Variants in SNTB1 observed in about 807,000 individuals in gnomAD.
SNTB1 encodes beta-1-syntrophin.
In SNTB1, 36 loss-of-function variants were observed where a neutral mutation model predicts 48.9. The observed-to-expected ratio is 0.74, with a 90% CI of 0.56 to 0.97. The LOEUF (loss-of-function observed/expected upper bound fraction) is 0.97. SNTB1 is among the 50% of genes least tolerant of loss of function. The pLI is 0.00. For missense variants in SNTB1, 786 were observed against 703.4 expected (o/e 1.12, Z -1.33); for synonymous variants, 299 against 294.6 (o/e 1.01, Z -0.15).
intron 3 of SNTB1, among the ~76,000 whole-genome samples, chr8:120,624,123 A>T (rs760173247): frequency 1.3e-5 from 2 of 152,214 alleles, no homozygotes; most frequent in Non-Finnish European, 2.9e-5. Flanking sequence ...TTTTTAGTAG[A>T]CATGGGGTTT....
At chr8:120,615,712 C>T (rs11782950) in intron 3 of SNTB1, among the ~76,000 whole-genome samples, 66,664 of 152,058 alleles carry the variant, frequency 0.44, 17,821 homozygotes, top group Non-Finnish European at 0.62. Context: ...TAAGTGCAAA[C>T]GTTATTTCTG....
intron 1 of SNTB1, among the ~76,000 whole-genome samples, chr8:120,709,263 T>C (rs1818424623): frequency 6.6e-6 from 1 of 152,180 alleles, no homozygotes; most frequent in Non-Finnish European, 1.5e-5. Context: ...TTTCCTATTC[T>C]ATAAAATCAG....
chr8:120,766,869 T>C (rs1280101110), intron 1 of SNTB1, among the ~76,000 whole-genome samples: 1 of 152,234 alleles, frequency 6.6e-6, no homozygotes, highest in Non-Finnish European at 1.5e-5. Context: ...TTTCTTACTG[T>C]TTCTCTTCCA....
intron 4 of SNTB1, among the ~76,000 whole-genome samples, chr8:120,566,483 A>G (rs1424543129): frequency 1.3e-5 from 2 of 152,032 alleles, no homozygotes; most frequent in Non-Finnish European, 2.9e-5. Context: ...TGGCACCTTG[A>G]TCTTGGACTT....
chr8:120,561,046 G>A (rs1488031103), intron 4 of SNTB1, among the ~76,000 whole-genome samples: 1 of 152,130 alleles, frequency 6.6e-6, no homozygotes, highest in East Asian at 1.9e-4. Context: ...AAGGGAAAGA[G>A]GCTGGGCGCA....
At chr8:120,810,968 A>G (rs1820415754) in intron 1 of SNTB1, among the ~76,000 whole-genome samples, 3 of 152,016 alleles carry the variant, frequency 2.0e-5, no homozygotes, top group Non-Finnish European at 4.4e-5. Context: ...AAATGAAACA[A>G]CGTATACTAA....
At chr8:120,575,653 TG>T (rs1340793345) in intron 3 of SNTB1, among the ~76,000 whole-genome samples, 4 of 152,200 alleles carry the variant, frequency 2.6e-5, no homozygotes, top group Admixed American at 6.5e-5. Context: ...TGTACTATGG[TG>T]GCAAATGTCT....
intron 2 of SNTB1, among the ~76,000 whole-genome samples, chr8:120,640,442 T>A (rs1452150507): frequency 6.6e-6 from 1 of 152,236 alleles, no homozygotes; most frequent in Admixed American, 6.5e-5. Flanking sequence ...AGAGAGGGCA[T>A]CCCTGTCTTG....
chr8:120,653,469 C>T (rs374241714), intron 2 of SNTB1, among the ~76,000 whole-genome samples: 1 of 152,102 alleles, frequency 6.6e-6, no homozygotes, highest in Non-Finnish European at 1.5e-5. Flanking sequence ...AAGAAACCAA[C>T]CCTGCTGACA....
In SNTB1 at chr8:120,776,131, A is replaced by G. The variant is rs138126516; in HGVS notation, c.571+35142T>C. 1.3e-3 allele frequency among the ~76,000 whole-genome samples: 203 copies of G among 152,290 alleles called. 1 individual carries two copies. Among genetic ancestry groups the G allele is most frequent in the African/African-American group, 4.6e-3 (190 of 41,550 alleles). Reference sequence around the variant, plus strand: ...ATAAATCATGCTGCTATAAAGACACATGCACATGTGTGTTTATCAAGGGCC... The same window carrying G: ...ATAAATCATGCTGCTATAAAGACACGTGCACATGTGTGTTTATCAAGGGCC... On this transcript the variant is annotated intron_variant, in intron 1 of 6. Coordinates refer to ENST00000517992, the MANE Select transcript of SNTB1 (RefSeq NM_021021.4).
rs1407829613 is a variant in SNTB1, at chr8:120,536,726, C to CTA, written c.*2150_*2151insTA. On this transcript the variant is annotated 3_prime_UTR_variant, in exon 7 of 7. Coordinates refer to ENST00000517992, the MANE Select transcript of SNTB1 (RefSeq NM_021021.4). ...TTTATAAATGTAGAGAATGTAGTTT[C>CTA]CATTGACCCCCACACAGATATTAAT... The CTA allele has an allele frequency of 3.3e-5, 5 of 151,892 alleles. No individual in the cohort carries two copies. Among genetic ancestry groups the CTA allele is most frequent in the African/African-American group, 1.2e-4 (5 of 41,378 alleles). The allele number at this position is 151,892 out of a possible 1,614,324, so 9.4% of individuals were successfully genotyped here.
intron 2 of SNTB1, among the ~76,000 whole-genome samples, chr8:120,633,474 G>A (rs756439964): frequency 2.0e-5 from 3 of 152,012 alleles, no homozygotes; most frequent in African/African-American, 7.2e-5. Context: ...GCATGATGGC[G>A]GGTGCCTGTA....
chr8:120,757,030 T>C (rs907490523), intron 1 of SNTB1, among the ~76,000 whole-genome samples: 1 of 152,188 alleles, frequency 6.6e-6, no homozygotes, highest in Non-Finnish European at 1.5e-5. Flanking sequence ...GGAATTGATA[T>C]AAGAATAATA....
Position 120,626,710 on chromosome 8 carries a change from G to A in SNTB1, c.996+5734C>T, listed in dbSNP as rs539424561. 1.2e-3 allele frequency among the ~76,000 whole-genome samples: 176 copies of A among 152,072 alleles called. 1 individual carries two copies. The highest frequency in any genetic ancestry group is 4.1e-3 in the African/African-American group (170 of 41,452). On this transcript the variant is annotated intron_variant, in intron 3 of 6. Transcript: ENST00000517992. ...TTATCCTTTGCACTTTCAATGATGTGAGCTATCTTTGAGAGTTTCTTTAAT... is the reference window on the plus strand; with the variant it reads ...TTATCCTTTGCACTTTCAATGATGTAAGCTATCTTTGAGAGTTTCTTTAAT...
At chr8:120,642,337 G>A (rs1329702429) in intron 2 of SNTB1, among the ~76,000 whole-genome samples, 1 of 152,268 alleles carries the variant, frequency 6.6e-6, no homozygotes, top group African/African-American at 2.4e-5. Context: ...CCTTTAATAG[G>A]CTTCTTTTTA....
At chr8:120,607,090 A>G (rs1164983725) in intron 3 of SNTB1, among the ~76,000 whole-genome samples, 1 of 152,206 alleles carries the variant, frequency 6.6e-6, no homozygotes, top group Non-Finnish European at 1.5e-5. Context: ...GCACAGAATT[A>G]GTATACAGAA....
At chr8:120,598,059 C>T (rs4870734) in intron 3 of SNTB1, among the ~76,000 whole-genome samples, 25,462 of 152,080 alleles carry the variant, frequency 0.17, 2,802 homozygotes, top group East Asian at 0.44. Flanking sequence ...GCTTTGCTGG[C>T]GCTTATTCTG....
intron 2 of SNTB1, among the ~76,000 whole-genome samples, chr8:120,677,826 A>T (rs1181840683): frequency 6.6e-6 from 1 of 152,266 alleles, no homozygotes; most frequent in Non-Finnish European, 1.5e-5. Flanking sequence ...AATGAAATCC[A>T]GGTTGGCCTG....
At chr8:120,643,748 T>C (rs1433153923) in intron 2 of SNTB1, among the ~76,000 whole-genome samples, 1 of 152,224 alleles carries the variant, frequency 6.6e-6, no homozygotes, top group Non-Finnish European at 1.5e-5. Flanking sequence ...GTCTTTTTCA[T>C]ATAATGACTT....
Sources: gnomAD v4.1 joint callset for allele counts (sites outside exome capture counted in the v4.1 genomes callset) on GRCh38, gnomAD v4.1.1 for gene constraint, MANE v1.5 for transcripts, NCBI Gene and HGNC (gene_info 2026-07-23, HGNC 2026-07-21) for gene names.